Variants in OR51B5 observed in about 807,000 individuals in gnomAD.
The protein encoded by OR51B5 is olfactory receptor 51B5.
For synonymous variants in OR51B5, 186 were observed against 144.8 expected (o/e 1.28, Z -2.04); for missense variants, 456 against 374.6 (o/e 1.22, Z -1.79).
intron 1 of OR51B5, among the ~76,000 whole-genome samples, chr11:5,363,084 A>G (rs17270894): frequency 0.38 from 57,525 of 151,694 alleles, 11,143 homozygotes; most frequent in Non-Finnish European, 0.41. Flanking sequence ...TAGATGTCTG[A>G]GTGGCATTCC....
intron 1 of OR51B5, chr11:5,440,622 G>A (rs1202808627): frequency 1.2e-6 from 2 of 1,613,668 alleles, no homozygotes; most frequent in South Asian, 1.1e-5. Context: ...GATCTCCTTG[G>A]TTTTCACACT....
chr11:5,363,223 A>G (rs1425319871), intron 1 of OR51B5, among the ~76,000 whole-genome samples: 2 of 146,076 alleles, frequency 1.4e-5, no homozygotes, highest in African/African-American at 2.6e-5. Context: ...TTTCCCCACA[A>G]CGAACCCAAC....
intron 1 of OR51B5, among the ~76,000 whole-genome samples, chr11:5,446,771 A>G (rs1039363107): frequency 3.3e-5 from 5 of 152,206 alleles, no homozygotes; most frequent in African/African-American, 1.2e-4. Flanking sequence ...TGTCCAGTGG[A>G]TGCCACAGAA....
chr11:5,462,996 A>C (rs1851081999), intron 1 of OR51B5, among the ~76,000 whole-genome samples: 1 of 152,250 alleles, frequency 6.6e-6, no homozygotes, highest in African/African-American at 2.4e-5. Context: ...AGGACTATTA[A>C]GCAAATAGTA....
intron 1 of OR51B5, chr11:5,402,470 A>C (rs1055656005): frequency 8.4e-6 from 3 of 358,746 alleles, no homozygotes; most frequent in African/African-American, 4.3e-5. Context: ...TGGCCACATA[A>C]ATCTGTGAGT....
intron 1 of OR51B5, among the ~76,000 whole-genome samples, chr11:5,368,475 T>A (rs774794897): frequency 6.6e-6 from 1 of 152,162 alleles, no homozygotes; most frequent in Non-Finnish European, 1.5e-5. Context: ...ATTATTACTA[T>A]AATCATCATT....
At chr11:5,495,810 G>T (rs1851642292) in intron 1 of OR51B5, among the ~76,000 whole-genome samples, 1 of 152,122 alleles carries the variant, frequency 6.6e-6, no homozygotes, top group Admixed American at 6.6e-5. Flanking sequence ...GATAAAACAA[G>T]ATCCAACTAT....
chr11:5,356,730 G>A (rs971365228), intron 1 of OR51B5, among the ~76,000 whole-genome samples: 1 of 125,190 alleles, frequency 8.0e-6, no homozygotes, highest in Non-Finnish European at 1.8e-5. Flanking sequence ...CAGAGAGAAA[G>A]GTCGGGTTAC....
chr11:5,447,981 A>T (rs1408916561), intron 1 of OR51B5, among the ~76,000 whole-genome samples: 2 of 152,120 alleles, frequency 1.3e-5, no homozygotes, highest in Non-Finnish European at 1.5e-5. Context: ...CTAAACAGTG[A>T]CCACTCCTCA....
rs1457974081 is a variant in OR51B5, at chr11:5,342,598, T to TCTATGGGTAGTAAA, written c.913_926dup (p.Arg309SerfsTer?). 1 of 1,586,402 alleles carries TCTATGGGTAGTAAA rather than the reference T, an allele frequency of 6.3e-7. No individual in the cohort carries two copies. Among genetic ancestry groups the TCTATGGGTAGTAAA allele is most frequent in the African/African-American group, 1.4e-5 (1 of 73,802 alleles). On this transcript the variant is annotated frameshift_variant, in exon 1 of 1. Transcript: ENST00000300773. LOFTEE classifies it high-confidence loss of function. ...TGATGATTGGAGATCAGGTTCCAAT[T>TCTATGGGTAGTAAA]CTATGGGTAGTAAAAAGGTGAAGAA...
intron 1 of OR51B5, among the ~76,000 whole-genome samples, chr11:5,462,833 TGAG>T (rs1441448033): frequency 1.3e-5 from 2 of 152,204 alleles, no homozygotes; most frequent in African/African-American, 4.8e-5. Context: ...TCCAGACAAC[TGAG>T]GAGAGCATTT....
intron 1 of OR51B5, among the ~76,000 whole-genome samples, chr11:5,461,717 T>C (rs1443499986): frequency 6.6e-6 from 1 of 152,146 alleles, no homozygotes; most frequent in Non-Finnish European, 1.5e-5. Flanking sequence ...GGATTGTGGG[T>C]TCTCCTGCAG....
intron 1 of OR51B5, among the ~76,000 whole-genome samples, chr11:5,425,473 C>A (rs940331542): frequency 1.5e-4 from 23 of 152,180 alleles, no homozygotes; most frequent in African/African-American, 5.5e-4. Context: ...TCTCCCTTTT[C>A]TGTTTCCTTT....
intron 1 of OR51B5, among the ~76,000 whole-genome samples, chr11:5,471,607 G>C (rs1478322768): frequency 3.4e-5 from 5 of 147,746 alleles, no homozygotes; most frequent in African/African-American, 1.0e-4. Flanking sequence ...TTGCACTCCA[G>C]CCTGGGTGAC....
intron 1 of OR51B5, among the ~76,000 whole-genome samples, chr11:5,443,132 T>C (rs959588129): frequency 2.0e-5 from 3 of 152,190 alleles, no homozygotes; most frequent in Non-Finnish European, 4.4e-5. Context: ...TCTTCTACTA[T>C]ATTTTCATGG....
intron 1 of OR51B5, among the ~76,000 whole-genome samples, chr11:5,434,555 G>C (rs1850568776): frequency 1.3e-5 from 2 of 152,114 alleles, no homozygotes; most frequent in African/African-American, 4.8e-5. Flanking sequence ...TGAAGATCCT[G>C]ACCTGCCTCA....
intron 1 of OR51B5, chr11:5,454,720 A>G (rs1374292784): frequency 4.7e-6 from 1 of 210,652 alleles, no homozygotes; most frequent in Non-Finnish European, 9.5e-6. Flanking sequence ...AATGAATATT[A>G]CTAATATAAT....
chr11:5,447,725 T>C (rs1850788454), intron 1 of OR51B5, among the ~76,000 whole-genome samples: 1 of 152,070 alleles, frequency 6.6e-6, no homozygotes. Flanking sequence ...AAGGAACTTG[T>C]ACCCTACTTC....
chr11:5,444,863 A>AT (rs1192894724), intron 1 of OR51B5, among the ~76,000 whole-genome samples: 1 of 152,168 alleles, frequency 6.6e-6, no homozygotes, highest in African/African-American at 2.4e-5. Flanking sequence ...GTAATCATCC[A>AT]TATCTATTAG....
Sources: gnomAD v4.1 joint callset for allele counts (sites outside exome capture counted in the v4.1 genomes callset) on GRCh38, gnomAD v4.1.1 for gene constraint, MANE v1.5 for transcripts, NCBI Gene and HGNC (gene_info 2026-07-23, HGNC 2026-07-21) for gene names.